ZNF487: variants seen among roughly 807,000 people sequenced by gnomAD.
ZNF487 encodes the protein KRAB domain only 1.
In ZNF487, 4 loss-of-function variants were observed where a neutral mutation model predicts 3.0. The observed-to-expected ratio is 1.35, with a 90% CI of 0.66 to 3.08. The LOEUF is 3.08. Ranked by LOEUF, ZNF487 falls within the 30% of genes most tolerant of loss-of-function variation. ZNF487 has a pLI of 0.01. For missense variants in ZNF487, 146 were observed against 98.7 expected, an observed-to-expected ratio of 1.48 and a Z score of -2.03; for synonymous variants, 55 against 34.6, an observed-to-expected ratio of 1.59 and a Z score of -2.06.
At chr10:43,498,099 A>ATATATATATATATATATATATATAT in the ZNF487 span, among the ~76,000 whole-genome samples, 1 of 20,188 alleles carries the variant, frequency 5.0e-5, no homozygotes, top group African/African-American at 3.2e-4. Context: ...ATATATATAT[A>ATATATATATATATATATATATATAT]TTTTTTTTTT....
the ZNF487 span, among the ~76,000 whole-genome samples, chr10:43,517,152 T>C: frequency 6.6e-6 from 1 of 152,240 alleles, no homozygotes; most frequent in African/African-American, 2.4e-5. Context: ...ACACAAAAAG[T>C]GGTCTCCACA....
At chr10:43,480,023 CTTTCTTTCTTTCTTTCTTTCT>C (rs1323617609) in intron 3 of ZNF487, among the ~76,000 whole-genome samples, 2,668 of 68,658 alleles carry the variant, frequency 0.039, 84 homozygotes, top group Non-Finnish European at 0.061. Flanking sequence ...TTCTTTCTTT[CTTTCTTTCTTTCTTTCTTTCT>C]TTTTCTTTCT....
intron 1 of ZNF487, among the ~76,000 whole-genome samples, chr10:43,446,466 C>T (rs1249716743): frequency 2.6e-5 from 4 of 151,452 alleles, no homozygotes; most frequent in Non-Finnish European, 4.4e-5. Flanking sequence ...AGGCGCTCCT[C>T]ACCTCCCAGA....
Position 43,455,613 on chromosome 10 carries a change from C to A in ZNF487, c.-94+18351C>A, listed in dbSNP as rs1840159425. Among the ~76,000 whole-genome samples, 3 of 152,152 alleles carry A rather than the reference C, an allele frequency of 2.0e-5. No individual in the cohort carries two copies. The South Asian group carries it at 6.2e-4, about 31-fold the overall frequency. On this transcript the variant is annotated intron_variant, in intron 1 of 3. Coordinates refer to ENST00000437590, the MANE Select transcript of ZNF487 (RefSeq NM_001355444.3). Reference sequence around the variant, plus strand: ...TCGCGGAACCTGACGGGAAACGGCCCCTCTAGGTCCGTGGCGCGGCGCGCT... The same window carrying A: ...TCGCGGAACCTGACGGGAAACGGCCACTCTAGGTCCGTGGCGCGGCGCGCT...
At chr10:43,437,630 ATTT>A (rs1423960109) in intron 1 of ZNF487, among the ~76,000 whole-genome samples, 2 of 151,988 alleles carry the variant, frequency 1.3e-5, no homozygotes, top group Admixed American at 6.6e-5. Flanking sequence ...TTTTTAGTTT[ATTT>A]TTTAAGGCAG....
the ZNF487 span, among the ~76,000 whole-genome samples, chr10:43,511,145 A>C: frequency 6.6e-6 from 1 of 152,192 alleles, no homozygotes; most frequent in Admixed American, 6.5e-5. Flanking sequence ...GCTGATTCAG[A>C]GCATACACAG....
At chr10:43,488,708 G>T in the ZNF487 span, among the ~76,000 whole-genome samples, 24 of 152,264 alleles carry the variant, frequency 1.6e-4, no homozygotes, top group African/African-American at 5.8e-4. Context: ...TAGTAATTTT[G>T]TTCACAACAA....
downstream of ZNF487, among the ~76,000 whole-genome samples, chr10:43,484,562 A>G (rs146566463): frequency 6.1e-3 from 929 of 152,294 alleles, 9 homozygotes; most frequent in African/African-American, 0.018. Context: ...AGCCGAGATC[A>G]TGCCACTGCA....
chr10:43,449,714 C>G (rs1292321616), intron 1 of ZNF487, among the ~76,000 whole-genome samples: 1 of 149,534 alleles, frequency 6.7e-6, no homozygotes, highest in East Asian at 2.0e-4. Flanking sequence ...GAGTCTCACT[C>G]TGTCGCCCAG....
At chr10:43,465,143 T>C (rs1183969383) in intron 1 of ZNF487, among the ~76,000 whole-genome samples, 1 of 113,172 alleles carries the variant, frequency 8.8e-6, no homozygotes, top group Non-Finnish European at 1.8e-5. Flanking sequence ...GGCGGGGGGC[T>C]GACCCGCCCA....
chr10:43,521,147 A>C, the ZNF487 span, among the ~76,000 whole-genome samples: 1 of 152,190 alleles, frequency 6.6e-6, no homozygotes, highest in Non-Finnish European at 1.5e-5. Flanking sequence ...CACTGAATTA[A>C]TGAATATTGA....
chr10:43,449,667 T>G (rs1011062800), intron 1 of ZNF487, among the ~76,000 whole-genome samples: 1 of 151,978 alleles, frequency 6.6e-6, no homozygotes, highest in Non-Finnish European at 1.5e-5. Context: ...GCAGTTAACA[T>G]GTATTGAAGC....
chr10:43,486,133 A>C (rs1297577390), downstream of ZNF487, among the ~76,000 whole-genome samples: 5 of 152,216 alleles, frequency 3.3e-5, no homozygotes, highest in Admixed American at 1.3e-4. Context: ...ACACATTACA[A>C]AAAATATGAA....
At position 43,474,415 on chromosome 10, in the gene ZNF487, T is replaced by C. The variant is rs530097378; in HGVS notation, c.-93-1306T>C. 3.4e-5 allele frequency among the ~76,000 whole-genome samples: 5 copies of C among 145,786 alleles called. No homozygotes were observed. The South Asian group carries it at 6.8e-4, about 20-fold the overall frequency. On this transcript the variant is annotated intron_variant, in intron 1 of 3. Coordinates refer to ENST00000437590, the MANE Select transcript of ZNF487 (RefSeq NM_001355444.3). Reference sequence around the variant, plus strand: ...GTTGCGGTGAGCTGAGATCGTGCCATTGCACTACAGCCTGGGTGACATGCC... The same window carrying C: ...GTTGCGGTGAGCTGAGATCGTGCCACTGCACTACAGCCTGGGTGACATGCC...
intron 1 of ZNF487, among the ~76,000 whole-genome samples, chr10:43,459,162 C>T (rs929106467): frequency 6.6e-6 from 1 of 152,020 alleles, no homozygotes; most frequent in Admixed American, 6.6e-5. Flanking sequence ...CTGTCTTGTC[C>T]GTGAAGTCTT....
intron 1 of ZNF487, among the ~76,000 whole-genome samples, chr10:43,468,398 G>T (rs191524985): frequency 3.5e-4 from 54 of 152,228 alleles, no homozygotes; most frequent in African/African-American, 1.2e-3. Context: ...AGGAAGAGCC[G>T]GCCGGGTGCA....
At chr10:43,505,783 C>T in the ZNF487 span, among the ~76,000 whole-genome samples, 1 of 152,210 alleles carries the variant, frequency 6.6e-6, no homozygotes, top group South Asian at 2.1e-4. Context: ...GCTGGGATTA[C>T]AGATGCCTGC....
chr10:43,513,463 C>T, the ZNF487 span, among the ~76,000 whole-genome samples: 35 of 152,368 alleles, frequency 2.3e-4, no homozygotes, highest in Middle Eastern at 6.8e-3. Flanking sequence ...GATCTGTCGT[C>T]TGCACAGGCT....
At chr10:43,500,071 A>T in the ZNF487 span, among the ~76,000 whole-genome samples, 1 of 151,954 alleles carries the variant, frequency 6.6e-6, no homozygotes, top group South Asian at 2.1e-4. Flanking sequence ...TTTAGTAAAG[A>T]TGGGATTTCA....
Sources: allele counts gnomAD v4.1 joint callset (sites outside exome capture counted in the v4.1 genomes callset), GRCh38; gene constraint gnomAD v4.1.1; transcripts MANE v1.5; gene names NCBI Gene and HGNC (gene_info 2026-07-23, HGNC 2026-07-21).